The following GRID1 variants were observed in gnomAD, a reference collection of about 807,000 sequenced individuals.
GRID1 encodes glutamate receptor ionotropic, delta-1.
GRID1 carries 28 observed loss-of-function variants against 98.0 expected under a neutral mutation model. The ratio of observed to expected loss-of-function variants is 0.29; its 90% CI spans 0.21 to 0.39. The LOEUF is 0.39. Ranked by LOEUF, GRID1 falls within the 10% of genes least tolerant of loss-of-function variation. The pLI is 1.00. For synonymous variants in GRID1, 553 were observed against 538.5 expected, an observed-to-expected ratio of 1.03 and a Z score of -0.37; for missense variants, 1,111 against 1,340.5, an observed-to-expected ratio of 0.83 and a Z score of 2.67.
chr10:85,672,786 G>A (rs935967169), intron 12 of GRID1, among the ~76,000 whole-genome samples: 21 of 151,902 alleles, frequency 1.4e-4, no homozygotes, highest in African/African-American at 2.7e-4. Context: ...TGATGAAGAC[G>A]TACAAGGGGA....
chr10:85,647,761 G>A (rs1237657907), intron 12 of GRID1: 2 of 178,160 alleles, frequency 1.1e-5, no homozygotes, highest in Non-Finnish European at 2.4e-5. Flanking sequence ...GTATCAAAGA[G>A]TCAGGGCAAC....
In GRID1 at chr10:85,869,164, T is replaced by A; in HGVS notation, c.797A>T (p.Glu266Val). 6.2e-7 allele frequency: 1 copy of A among 1,613,536 alleles called. No individual in the cohort carries two copies. The highest frequency in any genetic ancestry group is 2.2e-5 in the East Asian group (1 of 44,858). ...GGCACTATGGACCAGATCCAGGATCTCCGGGTCACTGATTTCCTAGAAAAA... is the reference window on the plus strand; with the variant it reads ...GGCACTATGGACCAGATCCAGGATCACCGGGTCACTGATTTCCTAGAAAAA... ...VFVNEEISDP[E>V]ILDLVHSALG... The change falls in exon 6 of 16, where the codon GAG becomes GTG. Residue 266 changes from glutamate to valine, a missense_variant. By Grantham distance (121) the Glu-to-Val change is moderately radical. Around this residue, in one of 3 missense-constraint regions of GRID1, gnomAD observed 346 missense variants for 452.3 expected, o/e 0.76. Coordinates refer to ENST00000327946, the MANE Select transcript of GRID1 (RefSeq NM_017551.3).
intron 13 of GRID1, among the ~76,000 whole-genome samples, chr10:85,627,792 A>G (rs746580953): frequency 5.3e-5 from 8 of 152,164 alleles, no homozygotes; most frequent in Non-Finnish European, 5.9e-5. Flanking sequence ...AAGGCAAAAC[A>G]CTGTACCTGG....
Position 86,185,420 on chromosome 10 carries a change from T to C in GRID1, c.520+20944A>G, listed in dbSNP as rs184575636. Reference sequence around the variant, plus strand: ...TGGATGATCATATAATCAGTAAATTTAAAGTTTTCATTTTTTTCTTTCCAA... The same window carrying C: ...TGGATGATCATATAATCAGTAAATTCAAAGTTTTCATTTTTTTCTTTCCAA... On this transcript the variant is annotated intron_variant, in intron 3 of 15. Coordinates refer to ENST00000327946, the MANE Select transcript of GRID1 (RefSeq NM_017551.3). 2.3e-3 allele frequency among the ~76,000 whole-genome samples: 355 copies of C among 152,222 alleles called. 3 individuals are homozygous for C. Among genetic ancestry groups the C allele is most frequent in the African/African-American group, 8.1e-3 (336 of 41,574 alleles).
At chr10:86,255,444 G>A (rs1353028420) in intron 2 of GRID1, among the ~76,000 whole-genome samples, 2 of 152,290 alleles carry the variant, frequency 1.3e-5, no homozygotes, top group Admixed American at 6.5e-5. Context: ...AATGTCCCCT[G>A]ACACTCATAT....
intron 4 of GRID1, among the ~76,000 whole-genome samples, chr10:85,978,827 C>T (rs1216863743): frequency 2.0e-5 from 3 of 152,232 alleles, no homozygotes; most frequent in Non-Finnish European, 4.4e-5. Context: ...ACCTGCTCAG[C>T]TGCATGTGGC....
chr10:85,886,221 C>T (rs985127400), intron 5 of GRID1, among the ~76,000 whole-genome samples: 2 of 152,190 alleles, frequency 1.3e-5, no homozygotes, highest in African/African-American at 4.8e-5. Flanking sequence ...AGAGACAGCA[C>T]CTTTCTGCCT....
chr10:85,638,412 G>A (rs918472387), intron 13 of GRID1, among the ~76,000 whole-genome samples: 1 of 152,092 alleles, frequency 6.6e-6, no homozygotes, highest in African/African-American at 2.4e-5. Context: ...AAAGAAGAAC[G>A]AAGTTGAAGG....
At chr10:86,364,779 T>C (rs1392050583) in intron 1 of GRID1, among the ~76,000 whole-genome samples, 1 of 152,244 alleles carries the variant, frequency 6.6e-6, no homozygotes, top group Admixed American at 6.5e-5. Flanking sequence ...GGGACTTGTG[T>C]CCTAGGCGCC....
At chr10:85,884,967 T>TAA (rs59697659) in intron 5 of GRID1, among the ~76,000 whole-genome samples, 4 of 150,760 alleles carry the variant, frequency 2.7e-5, no homozygotes, top group Admixed American at 6.6e-5. Context: ...CATCAGAAAG[T>TAA]AAAAAAAAAG....
intron 3 of GRID1, among the ~76,000 whole-genome samples, chr10:86,175,264 G>T (rs1845558159): frequency 6.6e-6 from 1 of 150,478 alleles, no homozygotes; most frequent in Non-Finnish European, 1.5e-5. Flanking sequence ...GTTATTCTCT[G>T]TGTATTTCTC....
intron 4 of GRID1, among the ~76,000 whole-genome samples, chr10:86,091,132 T>C (rs1844140518): frequency 6.6e-6 from 1 of 152,052 alleles, no homozygotes; most frequent in Non-Finnish European, 1.5e-5. Context: ...GTGAGAAGAC[T>C]CCTGGCCAGA....
chr10:85,704,701 T>C (rs912427669), intron 12 of GRID1, among the ~76,000 whole-genome samples: 3 of 152,262 alleles, frequency 2.0e-5, no homozygotes, highest in East Asian at 3.9e-4. Context: ...TATTCAAAAA[T>C]TGACCACATA....
At chr10:85,663,858 A>G (rs1174810664) in intron 12 of GRID1, among the ~76,000 whole-genome samples, 3 of 152,214 alleles carry the variant, frequency 2.0e-5, no homozygotes, top group Admixed American at 6.5e-5. Context: ...TTACAAGGTA[A>G]TGTTACTGTA....
intron 8 of GRID1, among the ~76,000 whole-genome samples, chr10:85,760,566 C>A (rs372049175): frequency 2.0e-5 from 3 of 152,184 alleles, no homozygotes; most frequent in African/African-American, 7.2e-5. Flanking sequence ...AAGAGCCCTG[C>A]ATCCTTTAAT....
intron 12 of GRID1, among the ~76,000 whole-genome samples, chr10:85,693,608 T>C (rs1460876524): frequency 6.6e-6 from 1 of 151,586 alleles, no homozygotes; most frequent in Non-Finnish European, 1.5e-5. Context: ...TGAAACAGAA[T>C]AGAGAACATG....
intron 2 of GRID1, among the ~76,000 whole-genome samples, chr10:86,298,570 C>T (rs771730483): frequency 2.0e-5 from 3 of 152,218 alleles, no homozygotes; most frequent in Non-Finnish European, 2.9e-5. Flanking sequence ...GAGACCCAGG[C>T]TTCTACTGTG....
intron 5 of GRID1, among the ~76,000 whole-genome samples, chr10:85,901,167 T>C (rs563264832): frequency 1.3e-5 from 2 of 152,304 alleles, no homozygotes; most frequent in African/African-American, 2.4e-5. Flanking sequence ...CCACAGGATG[T>C]GAGTCACTTG....
chr10:85,778,481 C>A (rs1219141488), intron 8 of GRID1, among the ~76,000 whole-genome samples: 1 of 152,150 alleles, frequency 6.6e-6, no homozygotes, highest in Non-Finnish European at 1.5e-5. Context: ...CCCTTTTCTG[C>A]TCATCATTAT....
Sources: gnomAD v4.1 joint callset for allele counts (sites outside exome capture counted in the v4.1 genomes callset) on GRCh38, gnomAD v4.1.1 for gene constraint, gnomAD v4.1.1 regional missense constraint, MANE v1.5 for transcripts, NCBI Gene and HGNC (gene_info 2026-07-23, HGNC 2026-07-21) for gene names.